The following ANKRD44 variants were observed in gnomAD, a reference collection of about 807,000 sequenced individuals.
ANKRD44 encodes the protein ankyrin repeat domain 44, also known as serine/threonine-protein phosphatase 6 regulatory ankyrin repeat subunit B.
A neutral mutation model predicts 116.0 loss-of-function variants in ANKRD44; 35 were observed. That is an observed-to-expected ratio of 0.30 (90% confidence interval 0.23 to 0.40). The LOEUF is 0.40. Among genes scored for constraint, ANKRD44 ranks in the 10% least tolerant of loss-of-function variants. ANKRD44 has a pLI of 1.00. For missense variants in ANKRD44, 1,014 were observed against 1,242.6 expected (o/e 0.82, Z 2.77); for synonymous variants, 435 against 461.8 (o/e 0.94, Z 0.74).
intron 1 of ANKRD44, among the ~76,000 whole-genome samples, chr2:197,268,857 A>C (rs1173547080): frequency 6.6e-6 from 1 of 152,196 alleles, no homozygotes; most frequent in East Asian, 1.9e-4. Context: ...ACACTGGGGA[A>C]ATCATGTTTT....
chr2:197,194,991 G>A (rs1303274594), intron 1 of ANKRD44, among the ~76,000 whole-genome samples: 8 of 152,094 alleles, frequency 5.3e-5, no homozygotes, highest in African/African-American at 1.9e-4. Context: ...TGGGTGGGGG[G>A]AGCATCACAT....
chr2:197,206,238 AAAT>A, intron 1 of ANKRD44, among the ~76,000 whole-genome samples: 1 of 152,346 alleles, frequency 6.6e-6, no homozygotes, highest in Admixed American at 6.5e-5. Flanking sequence ...TTCTTTCAGT[AAAT>A]AATATTACAG....
At chr2:197,202,827 C>T (rs901953167) in intron 1 of ANKRD44, among the ~76,000 whole-genome samples, 9 of 151,754 alleles carry the variant, frequency 5.9e-5, no homozygotes, top group Admixed American at 1.3e-4. Context: ...ATCCACCCGC[C>T]TTAGCCTCCT....
At chr2:197,047,467 C>T (rs2077023123) in intron 16 of ANKRD44, among the ~76,000 whole-genome samples, 1 of 152,138 alleles carries the variant, frequency 6.6e-6, no homozygotes, top group South Asian at 2.1e-4. Flanking sequence ...TTGTCCATTT[C>T]ACTAATAACC....
At chr2:196,999,150 T>G in intron 23 of ANKRD44, 98 bp from the exon 24 acceptor site, 1 of 1,416,812 alleles carries the variant, frequency 7.1e-7, no homozygotes, top group South Asian at 1.4e-5. Context: ...CTTAAGGATT[T>G]AAAACTTCTC....
chr2:197,012,240 C>T (rs963444345), intron 18 of ANKRD44, among the ~76,000 whole-genome samples: 4 of 152,152 alleles, frequency 2.6e-5, no homozygotes, highest in Non-Finnish European at 5.9e-5. Context: ...CACTAGGGGG[C>T]TTCACTGGAC....
At chr2:197,005,508 C>T (rs1307124107) in intron 21 of ANKRD44, among the ~76,000 whole-genome samples, 186 bp downstream of exon 21, 1 of 152,094 alleles carries the variant, frequency 6.6e-6, no homozygotes, top group Non-Finnish European at 1.5e-5. Flanking sequence ...GTTAAGGCAT[C>T]ACAGCAGCTG....
At chr2:196,969,917 A>G (rs1481587449) in intron 21 of ANKRD44, among the ~76,000 whole-genome samples, 2 of 152,216 alleles carry the variant, frequency 1.3e-5, no homozygotes, top group Non-Finnish European at 2.9e-5. Context: ...TTTAGGAACA[A>G]TAAAAGGAAC....
chr2:197,038,986 G>A (rs2076858532), intron 16 of ANKRD44, among the ~76,000 whole-genome samples: 2 of 152,104 alleles, frequency 1.3e-5, no homozygotes, highest in African/African-American at 4.8e-5. Context: ...TTATTTTGGA[G>A]GTCCCACAGC....
At chr2:197,278,356 ACT>A (rs1412568766) in intron 1 of ANKRD44, among the ~76,000 whole-genome samples, 4 of 151,772 alleles carry the variant, frequency 2.6e-5, no homozygotes, top group African/African-American at 9.7e-5. Context: ...TACAAAACTT[ACT>A]TTTTGTTTGT....
At chr2:197,121,299 A>T in intron 8 of ANKRD44, 33 bp downstream of exon 8, 1 of 1,592,040 alleles carries the variant, frequency 6.3e-7, no homozygotes, top group Non-Finnish European at 8.6e-7. Flanking sequence ...CTCAATGCAA[A>T]GGCATTCAAC....
intron 27 of ANKRD44, chr2:196,992,693 A>T (rs2075943111): frequency 6.6e-6 from 1 of 152,640 alleles, no homozygotes; most frequent in Non-Finnish European, 1.5e-5. Flanking sequence ...GGGACACAGC[A>T]GGGTACATGC....
At chr2:196,998,883 A>T in intron 24 of ANKRD44, 24 bp downstream of exon 24, 1 of 1,610,918 alleles carries the variant, frequency 6.2e-7, no homozygotes, top group Non-Finnish European at 8.5e-7. Flanking sequence ...GCATAAGGGC[A>T]AAGTCCATAC....
intron 4 of ANKRD44, 56 bp from the exon 5 acceptor site, chr2:197,126,093 CTGGTGTAAGAT>C: frequency 6.3e-7 from 1 of 1,580,434 alleles, no homozygotes; most frequent in Non-Finnish European, 8.7e-7. Flanking sequence ...TCAATACTTA[CTGGTGTAAGAT>C]GCTTCACCAA....
rs1053358735 is a variant in ANKRD44 at position 197,078,507 on chromosome 2, C to T, written c.1650+196G>A. The T allele has an allele frequency of 1.9e-5, 27 of 1,398,928 alleles. No individual in the cohort carries two copies. The East Asian group carries it at 6.8e-4, about 35-fold the overall frequency. 86.7% of individuals were successfully genotyped at this position (1,398,928 alleles called of 1,614,324 possible). On this transcript the variant is annotated intron_variant, in intron 16 of 27. Coordinates refer to ENST00000282272, the MANE Select transcript of ANKRD44 (RefSeq NM_001195144.2). Reference sequence around the variant, plus strand: ...TTAAAAGCCTTGGGTGGTGGTGGGGCTCTAACCTGCAATGGAAGGCAGCAT... The same window carrying T: ...TTAAAAGCCTTGGGTGGTGGTGGGGTTCTAACCTGCAATGGAAGGCAGCAT...
intron 16 of ANKRD44, among the ~76,000 whole-genome samples, chr2:197,048,589 T>C (rs981579250): frequency 6.6e-6 from 1 of 152,236 alleles, no homozygotes; most frequent in African/African-American, 2.4e-5. Context: ...CAGCCTATCA[T>C]TGATGGGCAT....
At chr2:197,020,005 G>T (rs1301742996) in intron 17 of ANKRD44, among the ~76,000 whole-genome samples, 4 of 151,898 alleles carry the variant, frequency 2.6e-5, no homozygotes, top group African/African-American at 4.8e-5. Flanking sequence ...TAGTAGAGAT[G>T]GGGTTTCACC....
At chr2:197,150,019 A>G (rs2079602424) in intron 2 of ANKRD44, among the ~76,000 whole-genome samples, 1 of 152,190 alleles carries the variant, frequency 6.6e-6, no homozygotes, top group Non-Finnish European at 1.5e-5. Context: ...GTTATTATGA[A>G]GTGCTTTTAT....
chr2:197,121,494 G>A lies in ANKRD44; in HGVS notation c.744C>T (p.Tyr248=). ...YGNTALHIAC[Y]NGQDAVVNEL... Reference sequence around the variant, plus strand: ...CGTTAACCACAGCATCCTGTCCATTGTAGCAGGCGATGTGAAGCGCTGTAT... The same window carrying A: ...CGTTAACCACAGCATCCTGTCCATTATAGCAGGCGATGTGAAGCGCTGTAT... The change falls in exon 8 of 28, where the codon TAC becomes TAT. Residue 248 remains tyrosine (Y), a synonymous_variant. Transcript: ENST00000282272. The A allele has an allele frequency of 1.2e-6, 2 of 1,614,180 alleles. No homozygotes were observed. The highest frequency in any genetic ancestry group is 1.7e-6 in the Non-Finnish European group (2 of 1,180,030).
Sources: allele counts gnomAD v4.1 joint callset (sites outside exome capture counted in the v4.1 genomes callset), GRCh38; gene constraint gnomAD v4.1.1; transcripts MANE v1.5; gene names NCBI Gene and HGNC (gene_info 2026-07-23, HGNC 2026-07-21).